The following SLC1A5 variants were observed in gnomAD, a reference collection of about 807,000 sequenced individuals.
The protein encoded by SLC1A5 is neutral amino acid transporter B(0).
Under a neutral mutation model 34.9 loss-of-function variants are expected in SLC1A5, and 25 were observed. The observed-to-expected ratio is 0.72, with a 90% confidence interval of 0.52 to 1.00. The LOEUF (loss-of-function observed/expected upper bound fraction) is 1.00. Ranked by LOEUF, SLC1A5 falls within the 50% of genes least tolerant of loss-of-function variation. The pLI, the probability that SLC1A5 is intolerant of heterozygous loss-of-function variation, is 0.00. For missense variants in SLC1A5, 637 were observed against 740.0 expected (o/e 0.86, Z 1.61); for synonymous variants, 351 against 341.2 (o/e 1.03, Z -0.32).
chr19:46,781,389 G>A (rs1021807347), intron 4 of SLC1A5, among the ~76,000 whole-genome samples: 8 of 152,062 alleles, frequency 5.3e-5, no homozygotes, highest in Admixed American at 2.0e-4. Flanking sequence ...ACCTGAGGTC[G>A]GGAGTTTGAG....
Position 46,775,287 on chromosome 19 carries a change from G to C in SLC1A5, c.*223C>G. On this transcript the variant is annotated 3_prime_UTR_variant, in exon 8 of 8. Coordinates refer to ENST00000542575, the MANE Select transcript of SLC1A5 (RefSeq NM_005628.3). ...TTGCTGTTTTCTAGCCTTGAGTTGG[G>C]GACATGAGTGAGAACTGGGGGTTTT... 7.7e-7 allele frequency: 1 copy of C among 1,306,246 alleles called. No homozygotes were observed. Among genetic ancestry groups the C allele is most frequent in the South Asian group, 2.2e-5 (1 of 46,460 alleles). 80.9% of individuals were successfully genotyped at this position (1,306,246 alleles called of 1,614,324 possible).
Position 46,775,591 on chromosome 19 carries a change from C to T in SLC1A5, c.1545G>A (p.Glu515=). 1 of 1,614,158 alleles carries T rather than the reference C, an allele frequency of 6.2e-7. No homozygotes were observed. Among genetic ancestry groups the T allele is most frequent in the Non-Finnish European group, 8.5e-7 (1 of 1,180,028 alleles). The change falls in exon 8 of 8, where the codon GAG becomes GAA. Residue 515 remains glutamate, a synonymous_variant. Coordinates refer to ENST00000542575, the MANE Select transcript of SLC1A5 (RefSeq NM_005628.3). The stretch of plus-strand genomic sequence containing the variant: ...AGTGTTTGAGGAGGGGGTTTCCTTC[C>T]TCAGTGGGGACTGGCAGCGGATCCA... ...LPLDPLPVPT[E]EGNPLLKHYR... is the part of the protein sequence containing the mutation.
Position 46,787,010 on chromosome 19 carries a change from T to C in SLC1A5, c.566+390A>G, listed in dbSNP as rs1336604826. ...CTCCAGGGGCTCCTTACCCAAACTC[T>C]CCAACCCTGGCCCCAAATTATATCT... On this transcript the variant is annotated intron_variant, in intron 1 of 7. Coordinates refer to ENST00000542575, the MANE Select transcript of SLC1A5 (RefSeq NM_005628.3). This position sits in a 1 kb window ranked among gnomAD's most constrained non-coding sequence, Gnocchi z 5.2. Among the ~76,000 whole-genome samples the C allele has an allele frequency of 2.0e-5, 3 of 151,968 alleles. No homozygotes were observed. The highest frequency in any genetic ancestry group is 7.2e-5 in the African/African-American group (3 of 41,390).
chr19:46,782,374 A>ACCCCC lies in SLC1A5; in HGVS notation c.824+8_824+9insGGGGG. The ACCCCC allele has an allele frequency of 8.3e-6, 2 of 240,356 alleles. No individual in the cohort carries two copies. The highest frequency in any genetic ancestry group is 1.4e-5 in the Non-Finnish European group (2 of 143,376). The allele number at this position is 240,356 out of a possible 1,614,324, so 14.9% of individuals were successfully genotyped here. On this transcript the variant is annotated intron_variant, in intron 4 of 7. Transcript: ENST00000542575. ...CCACCCACCCCCAGCCTCCTCTCCC[A>ACCCCC]CCACCTACCACATGATCCAGGAGAC...
At chr19:46,778,933 TTG>T in intron 4 of SLC1A5, 25 bp from the exon 5 acceptor site, 1 of 1,505,006 alleles carries the variant, frequency 6.6e-7, no homozygotes, top group South Asian at 1.3e-5. Context: ...AGGAGACAGC[TTG>T]TTGCCTCTTC....
At position 46,784,791 on chromosome 19, in the gene SLC1A5, C is replaced by T. The variant is rs550585303; in HGVS notation, c.567-232G>A. ...AGCCCCAAGAGGCTGGCGTGCTAGC[C>T]CTGAGGCATTGTGGGTTCGGGGTGA... is the stretch of plus-strand genomic sequence containing the variant. On this transcript the variant is annotated intron_variant, in intron 1 of 7. Transcript: ENST00000542575. The T allele has an allele frequency of 1.3e-3, 1,854 of 1,434,530 alleles. 4 individuals carry two copies. The highest frequency in any genetic ancestry group is 1.2e-3 in the Non-Finnish European group (1,300 of 1,097,778). The allele number at this position is 1,434,530 out of a possible 1,614,324, so 88.9% of individuals were successfully genotyped here.
chr19:46,787,632 A>G lies in SLC1A5; in HGVS notation c.334T>C (p.Leu112=), dbSNP rs758674436. 2 of 1,577,602 alleles carry G rather than the reference A, an allele frequency of 1.3e-6. No individual in the cohort carries two copies. Among genetic ancestry groups the G allele is most frequent in the Admixed American group, 3.6e-5 (2 of 54,814 alleles). The change falls in exon 1 of 8, where the codon TTG becomes CTG. Residue 112 remains leucine, a synonymous_variant. Transcript: ENST00000542575. The surrounding 1 kb of genome is among the most constrained non-coding windows in gnomAD (Gnocchi z 5.2). ...TCCAGGCTGGCGGCGCCGCCGATCAAGCTGCACACCACCAGCGGCAAGATG... is the reference window on the plus strand; with the variant it reads ...TCCAGGCTGGCGGCGCCGCCGATCAGGCTGCACACCACCAGCGGCAAGATG... ...MIILPLVVCS[L]IGGAASLDPG... is the part of the protein sequence containing the mutation.
At position 46,787,381 on chromosome 19, in the gene SLC1A5, C is replaced by T. The variant is rs1197410475; in HGVS notation, c.566+19G>A. The T allele has an allele frequency of 1.9e-6, 3 of 1,578,516 alleles. No individual in the cohort carries two copies. Among genetic ancestry groups the T allele is most frequent in the Non-Finnish European group, 2.6e-6 (3 of 1,163,212 alleles). The stretch of plus-strand genomic sequence containing the variant: ...ATCCGTAACACTCTTCCCCACCTCC[C>T]GGGGGAGCGGGAGCTGACCTCGCAA... On this transcript the variant is annotated intron_variant, in intron 1 of 7. Coordinates refer to ENST00000542575, the MANE Select transcript of SLC1A5 (RefSeq NM_005628.3). The surrounding 1 kb of genome is among the most constrained non-coding windows in gnomAD (Gnocchi z 5.2).
At chr19:46,778,249 C>A (rs886273442) in intron 5 of SLC1A5, among the ~76,000 whole-genome samples, 1 of 151,964 alleles carries the variant, frequency 6.6e-6, no homozygotes, top group Non-Finnish European at 1.5e-5. Context: ...GCCAACATGG[C>A]GAAACCCCGT....
chr19:46,777,444 G>A (rs965841139), intron 5 of SLC1A5, 39 bp from the exon 6 acceptor site: 1 of 1,551,534 alleles, frequency 6.4e-7, no homozygotes, highest in African/African-American at 1.4e-5. Flanking sequence ...TTAACCTGCT[G>A]ACCGGGGCTC....
chr19:46,784,038 C>T (rs1407237138), intron 3 of SLC1A5, 59 bp downstream of exon 3: 11 of 1,423,630 alleles, frequency 7.7e-6, no homozygotes, highest in Non-Finnish European at 6.9e-6. Flanking sequence ...GAAATAAAAC[C>T]AAAAAATTAT....
chr19:46,774,979 G>T lies in SLC1A5; in HGVS notation c.*531C>A. ...GCCTCTCCCCAGAGTCCCTGGGAGT[G>T]TTTCTGTTATTGTGGAGGGAATAGG... On this transcript the variant is annotated 3_prime_UTR_variant, in exon 8 of 8. Transcript: ENST00000542575. 1 of 986,186 alleles carries T rather than the reference G, an allele frequency of 1.0e-6. No individual in the cohort carries two copies. The highest frequency in any genetic ancestry group is 4.7e-5 in the South Asian group (1 of 21,296). The allele number at this position is 986,186 out of a possible 1,614,324, so 61.1% of individuals were successfully genotyped here.
intron 4 of SLC1A5, 37 bp downstream of exon 4, chr19:46,782,346 A>ACCCCCCCCCCCCCCCCCCCCCACACC: frequency 8.8e-6 from 5 of 567,980 alleles, no homozygotes; most frequent in East Asian, 3.6e-5. Context: ...CGACCCTCCA[A>ACCCCCCCCCCCCCCCCCCCCCACACC]CCCCACCCAC....
At position 46,774,991 on chromosome 19, in the gene SLC1A5, G is replaced by C. The variant is rs2055071161; in HGVS notation, c.*519C>G. On this transcript the variant is annotated 3_prime_UTR_variant, in exon 8 of 8. Transcript: ENST00000542575. ...AGTCCCTGGGAGTGTTTCTGTTATT[G>C]TGGAGGGAATAGGGGATCTGGGGAC... The C allele has an allele frequency of 7.1e-6, 7 of 986,088 alleles. No individual in the cohort carries two copies. In the South Asian group the frequency reaches 2.8e-4, roughly 40 times the overall value. 61.1% of individuals were successfully genotyped at this position (986,088 alleles called of 1,614,324 possible). A position where few individuals can be genotyped will look rare whatever the true frequency, so the allele number is the denominator to read the frequency against.
At chr19:46,777,480 G>A in intron 5 of SLC1A5, 75 bp from the exon 6 acceptor site, 1 of 1,413,280 alleles carries the variant, frequency 7.1e-7, no homozygotes, top group East Asian at 2.5e-5. Context: ...TCCAGCCCAG[G>A]TGAGGCCTCG....
At chr19:46,784,598 A>G (rs1209325210) in intron 1 of SLC1A5, 39 bp from the exon 2 acceptor site, 2 of 1,613,890 alleles carry the variant, frequency 1.2e-6, no homozygotes, top group African/African-American at 1.3e-5. Flanking sequence ...TAGATACCAT[A>G]GTGGGAGGGC....
chr19:46,787,148 C>T lies in SLC1A5; in HGVS notation c.566+252G>A. The T allele has an allele frequency of 1.7e-6, 2 of 1,153,210 alleles. No homozygotes were observed. The highest frequency in any genetic ancestry group is 7.3e-5 in the Admixed American group (2 of 27,514). 71.4% of individuals were successfully genotyped at this position (1,153,210 alleles called of 1,614,324 possible). A position where few individuals can be genotyped will look rare whatever the true frequency, so the allele number is the denominator to read the frequency against. Reference sequence around the variant, plus strand: ...CCCTAGGCAGACCCTCCTATGTCTCCCCAAATCACTTTCTTCTCCCTCTAT... The same window carrying T: ...CCCTAGGCAGACCCTCCTATGTCTCTCCAAATCACTTTCTTCTCCCTCTAT... On this transcript the variant is annotated intron_variant, in intron 1 of 7. Coordinates refer to ENST00000542575, the MANE Select transcript of SLC1A5 (RefSeq NM_005628.3). This position sits in a 1 kb window ranked among gnomAD's most constrained non-coding sequence, Gnocchi z 5.2.
chr19:46,784,223 A>C lies in SLC1A5; in HGVS notation c.610-79T>G, dbSNP rs1015384721. On this transcript the variant is annotated intron_variant, in intron 2 of 7. Transcript: ENST00000542575. ...CCCATGCCAAGCTAACAATGCTCAA[A>C]GCCTGCCCTTCCACATCCTTTCAAT... The C allele has an allele frequency of 5.4e-6, 6 of 1,107,030 alleles. No homozygotes were observed. The African/African-American group carries it at 9.2e-5, about 17-fold the overall frequency. The allele number at this position is 1,107,030 out of a possible 1,614,324, so 68.6% of individuals were successfully genotyped here. A position where few individuals can be genotyped will look rare whatever the true frequency, so the allele number is the denominator to read the frequency against.
intron 5 of SLC1A5, 56 bp downstream of exon 5, chr19:46,778,619 G>A (rs566508752): frequency 6.5e-5 from 83 of 1,282,550 alleles, no homozygotes; most frequent in Admixed American, 1.2e-4. Context: ...AATTTCATCC[G>A]CTCCATGCCG....
Sources: allele counts gnomAD v4.1 joint callset (sites outside exome capture counted in the v4.1 genomes callset), GRCh38; gene constraint gnomAD v4.1.1; non-coding constraint Gnocchi (gnomAD v3.1); transcripts MANE v1.5; gene names NCBI Gene and HGNC (gene_info 2026-07-23, HGNC 2026-07-21).